TLN2: variants seen among roughly 807,000 people sequenced by gnomAD.
TLN2 encodes talin 2.
TLN2 carries 118 observed loss-of-function variants against 294.7 expected under a neutral mutation model. That is an observed-to-expected ratio of 0.40 (90% CI 0.34 to 0.47). TLN2 has a LOEUF of 0.47. TLN2 is among the 20% of genes least tolerant of loss of function. TLN2 has a pLI of 0.84. For synonymous variants in TLN2, 1,431 were observed against 1,304.5 expected, an observed-to-expected ratio of 1.10 and a Z score of -2.09; for missense variants, 3,083 against 3,282.2, an observed-to-expected ratio of 0.94 and a Z score of 1.48.
At chr15:62,690,733 G>A (rs1362325789) in intron 12 of TLN2, among the ~76,000 whole-genome samples, 1 of 150,270 alleles carries the variant, frequency 6.7e-6, no homozygotes, top group African/African-American at 2.5e-5. Context: ...ATTGAGCACT[G>A]AGTGAACCAG....
chr15:62,562,986 C>T (rs1041863722), intron 1 of TLN2, among the ~76,000 whole-genome samples: 1 of 147,158 alleles, frequency 6.8e-6, no homozygotes, highest in African/African-American at 2.5e-5. Flanking sequence ...TTCTTTATCC[C>T]CTCGTTGATT....
At chr15:62,697,895 C>T (rs1438843401) in intron 15 of TLN2, 27 bp downstream of exon 15, 1 of 1,604,604 alleles carries the variant, frequency 6.2e-7, no homozygotes, top group East Asian at 2.2e-5. Context: ...TCGTCCCCCA[C>T]TCGTTAGTCT....
At chr15:62,597,025 C>T (rs981947528) in intron 2 of TLN2, among the ~76,000 whole-genome samples, 3 of 152,260 alleles carry the variant, frequency 2.0e-5, no homozygotes, top group African/African-American at 4.8e-5. Context: ...TGGCAGATCA[C>T]GCTGTTAGTT....
chr15:62,597,197 A>G (rs192709293), intron 2 of TLN2, among the ~76,000 whole-genome samples: 203 of 152,290 alleles, frequency 1.3e-3, no homozygotes, highest in Admixed American at 2.4e-3. Context: ...CTCCCAGTCC[A>G]ACCCCTCAAT....
chr15:62,436,575 A>G (rs908971021), intron 1 of TLN2, among the ~76,000 whole-genome samples: 4 of 152,180 alleles, frequency 2.6e-5, no homozygotes, highest in Admixed American at 6.5e-5. Context: ...CAGGAGCTCA[A>G]TGTGTTTGAG....
chr15:62,657,451 G>T (rs772889136), intron 8 of TLN2, among the ~76,000 whole-genome samples: 1 of 152,190 alleles, frequency 6.6e-6, no homozygotes, highest in African/African-American at 2.4e-5. Context: ...CTTTGAAGCT[G>T]ATCATTTCAT....
chr15:62,734,442 A>G (rs948271504), intron 28 of TLN2, among the ~76,000 whole-genome samples: 1 of 152,192 alleles, frequency 6.6e-6, no homozygotes, highest in South Asian at 2.1e-4. Context: ...TCTAGACCAC[A>G]CAACTAATCA....
intron 14 of TLN2, among the ~76,000 whole-genome samples, chr15:62,694,944 G>A (rs2058219327): frequency 6.6e-6 from 1 of 152,160 alleles, no homozygotes; most frequent in African/African-American, 2.4e-5. Context: ...TCTGGCATGA[G>A]CTTATCTATA....
At chr15:62,570,532 C>G (rs187661402) in intron 1 of TLN2, among the ~76,000 whole-genome samples, 1 of 152,202 alleles carries the variant, frequency 6.6e-6, no homozygotes, top group African/African-American at 2.4e-5. Flanking sequence ...CTTTCTCTTT[C>G]TTTCTTTGTC....
intron 2 of TLN2, among the ~76,000 whole-genome samples, chr15:62,601,922 C>G (rs1596309901): frequency 6.6e-6 from 1 of 152,098 alleles, no homozygotes; most frequent in East Asian, 1.9e-4. Context: ...AATTGGCTCC[C>G]GAGTCCTTTA....
At chr15:62,807,422 G>T (rs2066366919) in intron 51 of TLN2, among the ~76,000 whole-genome samples, 1 of 152,224 alleles carries the variant, frequency 6.6e-6, no homozygotes, top group Non-Finnish European at 1.5e-5. Flanking sequence ...TTTACTGTCA[G>T]ATCCAGAACT....
rs775085331 is a variant in TLN2, at chr15:62,761,774, G to T, written c.4732G>T (p.Ala1578Ser). 6.2e-6 allele frequency: 10 copies of T among 1,613,988 alleles called. No homozygotes were observed. In the East Asian group the frequency reaches 1.6e-4, roughly 25 times the overall value. Residue 1578 changes from alanine to serine, a missense_variant, in exon 38 of 59, where the codon GCC becomes TCC. Transcript: ENST00000636159. ...AGCTGTGGAGAACCTGACAGCGTTCGCCTCAAACCCTGAGTTTGTCAGCAT... is the reference window on the plus strand; with the variant it reads ...AGCTGTGGAGAACCTGACAGCGTTCTCCTCAAACCCTGAGTTTGTCAGCAT... ...IEAVENLTAF[A>S]SNPEFVSIPA...
At chr15:62,577,524 G>T (rs1242531800) in intron 1 of TLN2, among the ~76,000 whole-genome samples, 1 of 152,154 alleles carries the variant, frequency 6.6e-6, no homozygotes, top group Non-Finnish European at 1.5e-5. Flanking sequence ...ATTTGAATCT[G>T]ATATATGATA....
Position 62,597,585 on chromosome 15 carries a change from C to G in TLN2, c.-162+7823C>G, listed in dbSNP as rs77289681. Among the ~76,000 whole-genome samples the G allele has an allele frequency of 9.9e-3, 1,510 of 152,258 alleles. 28 individuals carry two copies. The highest frequency in any genetic ancestry group is 0.035 in the African/African-American group (1,451 of 41,540). ...CCCTCCTTGGTCAGGACAGGTTGATCTCTAGGTACACTGCACAGGGCTCAG... is the reference window on the plus strand; with the variant it reads ...CCCTCCTTGGTCAGGACAGGTTGATGTCTAGGTACACTGCACAGGGCTCAG... On this transcript the variant is annotated intron_variant, in intron 2 of 58. Coordinates refer to ENST00000636159, the MANE Select transcript of TLN2 (RefSeq NM_015059.3).
At chr15:62,523,028 T>G (rs950528250) in intron 1 of TLN2, among the ~76,000 whole-genome samples, 5 of 152,116 alleles carry the variant, frequency 3.3e-5, no homozygotes, top group South Asian at 4.2e-4. Context: ...CCGACAATTC[T>G]ATGGATCCTA....
intron 1 of TLN2, among the ~76,000 whole-genome samples, chr15:62,428,667 A>C (rs1169064959): frequency 1.3e-5 from 2 of 152,214 alleles, no homozygotes; most frequent in Non-Finnish European, 2.9e-5. Context: ...GAGAAGAGGA[A>C]AAGCTCTTTT....
intron 1 of TLN2, among the ~76,000 whole-genome samples, chr15:62,461,773 G>A (rs1595862043): frequency 6.6e-6 from 1 of 152,210 alleles, no homozygotes; most frequent in African/African-American, 2.4e-5. Flanking sequence ...TCCATGCGAG[G>A]GGAAGAGCAT....
intron 47 of TLN2, among the ~76,000 whole-genome samples, chr15:62,796,673 A>C (rs1043412492): frequency 6.6e-6 from 1 of 152,148 alleles, no homozygotes; most frequent in African/African-American, 2.4e-5. Context: ...CAAAGCCCCT[A>C]TCTCTGCTCA....
At chr15:62,689,602 A>C (rs1024329322) in intron 12 of TLN2, among the ~76,000 whole-genome samples, 3 of 151,834 alleles carry the variant, frequency 2.0e-5, no homozygotes, top group South Asian at 2.1e-4. Context: ...TTTTCCTCTG[A>C]GAATGTTATT....
Sources: allele counts gnomAD v4.1 joint callset (sites outside exome capture counted in the v4.1 genomes callset), GRCh38; gene constraint gnomAD v4.1.1; transcripts MANE v1.5; gene names NCBI Gene and HGNC (gene_info 2026-07-23, HGNC 2026-07-21).